MAN1A2: variants seen among roughly 807,000 people sequenced by gnomAD.
MAN1A2 encodes the protein mannosyl-oligosaccharide 1,2-alpha-mannosidase IB.
MAN1A2 carries 26 observed loss-of-function variants against 75.7 expected under a neutral mutation model. The observed-to-expected ratio is 0.34, with a 90% CI of 0.25 to 0.48. The LOEUF (loss-of-function observed/expected upper bound fraction) is 0.48, where lower values mean the gene tolerates loss of function less well. MAN1A2 is among the 20% of genes least tolerant of loss of function. The pLI, the probability that MAN1A2 is intolerant of heterozygous loss-of-function variation, is 0.99. For synonymous variants in MAN1A2, 247 were observed against 264.6 expected (o/e 0.93, Z 0.65); for missense variants, 562 against 775.5 (o/e 0.72, Z 3.27).
At chr1:117,368,722 C>T (rs1033707888) in intron 1 of MAN1A2, among the ~76,000 whole-genome samples, 12 of 151,980 alleles carry the variant, frequency 7.9e-5, no homozygotes, top group African/African-American at 2.4e-4. Context: ...TTCTTCTCTT[C>T]GGTTTTATAT....
At chr1:117,507,939 G>A (rs563663838) in intron 12 of MAN1A2, among the ~76,000 whole-genome samples, 13 of 151,778 alleles carry the variant, frequency 8.6e-5, no homozygotes, top group African/African-American at 3.1e-4. Context: ...AAAGAATTGC[G>A]AGGAAATTAG....
At chr1:117,429,625 G>T (rs1648522599) in intron 5 of MAN1A2, among the ~76,000 whole-genome samples, 1 of 112,626 alleles carries the variant, frequency 8.9e-6, no homozygotes, top group Non-Finnish European at 1.9e-5. Flanking sequence ...TGGCCGGGCA[G>T]AGGGGCTCCT....
chr1:117,443,557 C>CT (rs1649113538), intron 6 of MAN1A2, among the ~76,000 whole-genome samples: 1 of 151,834 alleles, frequency 6.6e-6, no homozygotes, highest in African/African-American at 2.4e-5. Flanking sequence ...ACTGGAGGCT[C>CT]TTTTTTTGTC....
intron 6 of MAN1A2, among the ~76,000 whole-genome samples, chr1:117,456,862 A>G (rs1455129974): frequency 1.3e-5 from 2 of 152,058 alleles, no homozygotes; most frequent in African/African-American, 4.8e-5. Flanking sequence ...GAAGTATACA[A>G]TATAAATAAA....
intron 12 of MAN1A2, among the ~76,000 whole-genome samples, chr1:117,508,258 T>C (rs972936003): frequency 6.6e-6 from 1 of 151,704 alleles, no homozygotes; most frequent in Non-Finnish European, 1.5e-5. Context: ...CAACCATTTT[T>C]TTCTGAGTTC....
intron 5 of MAN1A2, among the ~76,000 whole-genome samples, chr1:117,433,005 G>A (rs546557223): frequency 1.2e-4 from 18 of 150,202 alleles, no homozygotes; most frequent in African/African-American, 4.1e-4. Flanking sequence ...GGAAAGCAAA[G>A]TTAAAGATTT....
chr1:117,401,615 T>G (rs1183591882), intron 1 of MAN1A2, among the ~76,000 whole-genome samples: 5 of 152,242 alleles, frequency 3.3e-5, no homozygotes, highest in African/African-American at 1.2e-4. Context: ...TGATACAGAT[T>G]CATGGGTTTC....
intron 1 of MAN1A2, among the ~76,000 whole-genome samples, chr1:117,378,294 A>T (rs905089409): frequency 6.6e-6 from 1 of 152,282 alleles, no homozygotes; most frequent in African/African-American, 2.4e-5. Flanking sequence ...TTGTCAGTGC[A>T]TGGTTTTATA....
chr1:117,479,145 G>T (rs1650412801), intron 8 of MAN1A2, among the ~76,000 whole-genome samples: 1 of 151,524 alleles, frequency 6.6e-6, no homozygotes, highest in African/African-American at 2.4e-5. Flanking sequence ...TCATCATTCT[G>T]CACTCACTTA....
At chr1:117,442,815 G>A (rs1270265698) in intron 6 of MAN1A2, among the ~76,000 whole-genome samples, 3 of 151,112 alleles carry the variant, frequency 2.0e-5, no homozygotes, top group Non-Finnish European at 4.4e-5. Flanking sequence ...TTGACTGCGG[G>A]GTTTTTATTA....
intron 3 of MAN1A2, 62 bp from the exon 4 acceptor site, chr1:117,414,651 C>T (rs766246290): frequency 8.0e-5 from 63 of 789,410 alleles, no homozygotes; most frequent in Non-Finnish European, 1.2e-4. Context: ...TTTTTTCCCC[C>T]CAAAGAGAAC....
chr1:117,518,773 G>C (rs998662489), intron 12 of MAN1A2, among the ~76,000 whole-genome samples: 7 of 151,914 alleles, frequency 4.6e-5, no homozygotes, highest in African/African-American at 1.7e-4. Context: ...CACTAGACAG[G>C]TCAACAAGAC....
chr1:117,466,213 A>T, intron 7 of MAN1A2, 121 bp from the exon 8 acceptor site: 1 of 604,436 alleles, frequency 1.7e-6, no homozygotes. Context: ...CCTCCAACAC[A>T]CACACAAAGG....
At chr1:117,399,781 C>T (rs748942655) in intron 1 of MAN1A2, among the ~76,000 whole-genome samples, 3 of 152,142 alleles carry the variant, frequency 2.0e-5, no homozygotes, top group Non-Finnish European at 2.9e-5. Flanking sequence ...TGGGTTTAGA[C>T]TTAGCAGGTA....
chr1:117,434,351 T>A (rs1570742039), intron 5 of MAN1A2, among the ~76,000 whole-genome samples: 1 of 152,346 alleles, frequency 6.6e-6, no homozygotes, highest in African/African-American at 2.4e-5. Context: ...TGTAATTAAA[T>A]GTATACTTTG....
intron 8 of MAN1A2, among the ~76,000 whole-genome samples, chr1:117,490,619 T>G (rs1443156932): frequency 6.6e-6 from 1 of 151,986 alleles, no homozygotes; most frequent in Non-Finnish European, 1.5e-5. Context: ...CCTCTAAATA[T>G]TCCAAGTAAA....
At chr1:117,464,356 C>CAAAAAAAAAAAAAAA (rs55923337) in intron 7 of MAN1A2, among the ~76,000 whole-genome samples, 2 of 132,008 alleles carry the variant, frequency 1.5e-5, no homozygotes, top group African/African-American at 5.7e-5. Context: ...AAGACTCTGT[C>CAAAAAAAAAAAAAAA]AAAAAAAAAA....
intron 5 of MAN1A2, among the ~76,000 whole-genome samples, chr1:117,434,256 A>G (rs1648775288): frequency 1.3e-5 from 2 of 152,178 alleles, no homozygotes; most frequent in African/African-American, 2.4e-5. Context: ...TCACCCTTCC[A>G]CATTCTTTGC....
At chr1:117,423,123 T>A (rs1358635068) in intron 5 of MAN1A2, among the ~76,000 whole-genome samples, 1 of 152,150 alleles carries the variant, frequency 6.6e-6, no homozygotes, top group Non-Finnish European at 1.5e-5. Context: ...GTCTACTTTT[T>A]TCCATATGGA....
Sources: gnomAD v4.1 joint callset for allele counts (sites outside exome capture counted in the v4.1 genomes callset) on GRCh38, gnomAD v4.1.1 for gene constraint, MANE v1.5 for transcripts, NCBI Gene and HGNC (gene_info 2026-07-23, HGNC 2026-07-21) for gene names.